DOK7: variants seen among roughly 807,000 people sequenced by gnomAD.
The protein encoded by DOK7 is docking protein 7.
In DOK7, 32 loss-of-function variants were observed where a neutral mutation model predicts 30.7. The ratio of observed to expected loss-of-function variants is 1.04; its 90% CI spans 0.79 to 1.40. DOK7 has a LOEUF of 1.40. DOK7 is among the 40% of genes most tolerant of loss of function. The pLI, the probability that DOK7 is intolerant of heterozygous loss-of-function variation, is 0.00. For synonymous variants in DOK7, 447 were observed against 324.1 expected (o/e 1.38, Z -4.07); for missense variants, 1,007 against 699.2 (o/e 1.44, Z -4.97).
chr4:3,476,209 TG>T lies in DOK7; in HGVS notation c.332-132del. The T allele has an allele frequency of 8.6e-6, 3 of 347,822 alleles. 1 individual carries two copies. Among genetic ancestry groups the T allele is most frequent in the Non-Finnish European group, 1.4e-5 (3 of 208,618 alleles). The allele number at this position is 347,822 out of a possible 1,614,324, so 21.5% of individuals were successfully genotyped here. A position where few individuals can be genotyped will look rare whatever the true frequency, so the allele number is the denominator to read the frequency against. ...GATGCCCTCTCACCTCACCCGCCCATGATGCCCTCTCGCCCCGCCTGCCCGT... is the reference window on the plus strand; with the variant it reads ...GATGCCCTCTCACCTCACCCGCCCATATGCCCTCTCGCCCCGCCTGCCCGT... On this transcript the variant is annotated intron_variant, in intron 3 of 6. Coordinates refer to ENST00000340083, the MANE Select transcript of DOK7 (RefSeq NM_173660.5).
Position 3,493,199 on chromosome 4 carries a change from T to G in DOK7, c.1213T>G (p.Tyr405Asp). The G allele has an allele frequency of 6.2e-7, 1 of 1,611,550 alleles. No individual in the cohort carries two copies. The highest frequency in any genetic ancestry group is 1.1e-5 in the South Asian group (1 of 90,904). The stretch of plus-strand genomic sequence containing the variant: ...GGTGCCCACCTCCCTGCGGGCCCAC[T>G]ATGACACACCACGCAGCCTTTGCCT... Reference protein sequence around the residue: ...YQVPTSLRAHYDTPRSLCLAP... With the variant: ...YQVPTSLRAHDDTPRSLCLAP... Residue 405 changes from tyrosine (Y) to aspartate (D), a missense_variant, in exon 7 of 7, where the codon TAT (tyrosine) becomes GAT (aspartate). Physicochemically the swap from Tyr to Asp is radical, Grantham distance 160. Coordinates refer to ENST00000340083, the MANE Select transcript of DOK7 (RefSeq NM_173660.5).
At chr4:3,486,611 C>T (rs762393284) in intron 5 of DOK7, among the ~76,000 whole-genome samples, 1 of 152,202 alleles carries the variant, frequency 6.6e-6, no homozygotes, top group Non-Finnish European at 1.5e-5. Flanking sequence ...GGGGAGGTGG[C>T]ACCTATGGCC....
At chr4:3,487,418 C>T (rs910300762) in intron 5 of DOK7, among the ~76,000 whole-genome samples, 10 of 152,228 alleles carry the variant, frequency 6.6e-5, no homozygotes, top group African/African-American at 2.4e-4. Flanking sequence ...AAGCTCTGGG[C>T]TTTCTGCCGT....
rs1025407859 is a variant in DOK7 at position 3,494,155 on chromosome 4, G to C, written c.*654G>C. 8.1e-6 allele frequency: 8 copies of C among 985,620 alleles called. No individual in the cohort carries two copies. Among genetic ancestry groups the C allele is most frequent in the East Asian group, 1.1e-4 (1 of 8,814 alleles). The allele number at this position is 985,620 out of a possible 1,614,324, so 61.1% of individuals were successfully genotyped here. A position where few individuals can be genotyped will look rare whatever the true frequency, so the allele number is the denominator to read the frequency against. Reference sequence around the variant, plus strand: ...GGGAGCAGGTGGTGTCCTCAGAGCAGCCTCGCCTGCTGACCCCACTGGGAG... The same window carrying C: ...GGGAGCAGGTGGTGTCCTCAGAGCACCCTCGCCTGCTGACCCCACTGGGAG... On this transcript the variant is annotated 3_prime_UTR_variant, in exon 7 of 7. Transcript: ENST00000340083.
At chr4:3,484,687 G>A (rs1020997790) in intron 4 of DOK7, 3 of 985,592 alleles carry the variant, frequency 3.0e-6, no homozygotes, top group Non-Finnish European at 3.6e-6. Flanking sequence ...TCCTGCTGCT[G>A]TGGGGGTGCA....
chr4:3,485,127 TC>T (rs941384707), intron 4 of DOK7, among the ~76,000 whole-genome samples: 1 of 151,826 alleles, frequency 6.6e-6, no homozygotes, highest in African/African-American at 2.4e-5. Flanking sequence ...AGCAGCCACA[TC>T]CCCCCATCCC....
At chr4:3,491,764 C>T (rs1728478141) in intron 6 of DOK7, among the ~76,000 whole-genome samples, 1 of 152,246 alleles carries the variant, frequency 6.6e-6, no homozygotes, top group African/African-American at 2.4e-5. Flanking sequence ...GGAGCAGAGG[C>T]ACCTCCTCAG....
intron 6 of DOK7, among the ~76,000 whole-genome samples, chr4:3,490,063 TC>T (rs1165511983): frequency 2.0e-4 from 13 of 64,520 alleles, no homozygotes; most frequent in African/African-American, 6.1e-4. Flanking sequence ...AATTCCTTCC[TC>T]CCCCCATTCC....
At chr4:3,482,133 A>T (rs921150941) in intron 4 of DOK7, among the ~76,000 whole-genome samples, 1 of 152,106 alleles carries the variant, frequency 6.6e-6, no homozygotes, top group Non-Finnish European at 1.5e-5. Flanking sequence ...GTGCTCAAAG[A>T]TGTCTGACGT....
At chr4:3,496,553 G>A (rs1728923450), downstream of DOK7, among the ~76,000 whole-genome samples, 2 of 152,232 alleles carry the variant, frequency 1.3e-5, no homozygotes, top group South Asian at 4.1e-4. Context: ...CAGATGCCGA[G>A]GCCTCCAGCT....
intron 2 of DOK7, among the ~76,000 whole-genome samples, chr4:3,471,458 C>T (rs1021478831): frequency 2.0e-5 from 3 of 152,228 alleles, no homozygotes; most frequent in African/African-American, 7.2e-5. Flanking sequence ...GGGTGTGGCT[C>T]AGCTTTTTAG....
intron 7 of DOK7, chr4:3,500,442 G>T: frequency 4.6e-6 from 7 of 1,531,104 alleles, no homozygotes; most frequent in Non-Finnish European, 5.2e-6. Context: ...GACAATTGGG[G>T]GCTGGGACCA....
rs1475897707 is a variant in DOK7 at position 3,489,996 on chromosome 4, CTCATTCCTTCCTTCTCCTCCTGCTCAT to C, written c.772+216_772+242del. On this transcript the variant is annotated intron_variant, in intron 6 of 6. Transcript: ENST00000340083. ...TCATCCTTCCTTCCCCACCACCCTG[CTCATTCCTTCCTTCTCCTCCTGCTCAT>C]TCATTCCTTCCTTCTTCCTCCTACT... is the stretch of plus-strand genomic sequence containing the variant. 3.4e-3 allele frequency among the ~76,000 whole-genome samples: 490 copies of C among 142,460 alleles called. 1 individual carries two copies. The highest frequency in any genetic ancestry group is 0.022 in the Middle Eastern group (6 of 274). 93.5% of individuals were successfully genotyped at this position (142,460 alleles called of 152,430 possible). A position where few individuals can be genotyped will look rare whatever the true frequency, so the allele number is the denominator to read the frequency against.
chr4:3,499,269 G>T (rs937987686), downstream of DOK7, among the ~76,000 whole-genome samples: 2 of 152,194 alleles, frequency 1.3e-5, no homozygotes, highest in Admixed American at 1.3e-4. Flanking sequence ...CTGAGGGCTC[G>T]GAGTGTGCTG....
intron 2 of DOK7, among the ~76,000 whole-genome samples, chr4:3,467,266 C>A (rs916814103): frequency 1.3e-5 from 2 of 151,362 alleles, no homozygotes; most frequent in Admixed American, 6.6e-5. Flanking sequence ...ATCTTCCCTG[C>A]GGCTTCTCCC....
chr4:3,487,038 C>T (rs570479636), intron 5 of DOK7, among the ~76,000 whole-genome samples: 2 of 152,226 alleles, frequency 1.3e-5, no homozygotes, highest in East Asian at 3.9e-4. Context: ...GTGGGCCAGC[C>T]CCAGGCGGGG....
At position 3,493,510 on chromosome 4, in the gene DOK7, G is replaced by A. The variant is rs751841491; in HGVS notation, c.*9G>A. 1.2e-6 allele frequency: 2 copies of A among 1,610,272 alleles called. No individual in the cohort carries two copies. The highest frequency in any genetic ancestry group is 1.1e-5 in the South Asian group (1 of 90,642). ...TAAACCCCCCTCCTTGAGAGCCGCA[G>A]ATCCCGCCCCGCGGCTGCAAAGGGG... On this transcript the variant is annotated 3_prime_UTR_variant, in exon 7 of 7. Transcript: ENST00000340083.
chr4:3,497,236 G>T (rs1728957989), downstream of DOK7, among the ~76,000 whole-genome samples: 1 of 152,112 alleles, frequency 6.6e-6, no homozygotes, highest in Non-Finnish European at 1.5e-5. Flanking sequence ...CTGGGAGGGG[G>T]CATGGCAGGA....
rs963370206 is a variant in DOK7 at position 3,494,332 on chromosome 4, G to T, written c.*831G>T. ...GGCTGTGTTGGGCCCATTGTCCCCCGCCCTGGGTGGCTTCCTCTTGCACAG... is the reference window on the plus strand; with the variant it reads ...GGCTGTGTTGGGCCCATTGTCCCCCTCCCTGGGTGGCTTCCTCTTGCACAG... On this transcript the variant is annotated 3_prime_UTR_variant, in exon 7 of 7. Coordinates refer to ENST00000340083, the MANE Select transcript of DOK7 (RefSeq NM_173660.5). 1.0e-6 allele frequency: 1 copy of T among 985,638 alleles called. No homozygotes were observed. The highest frequency in any genetic ancestry group is 1.2e-6 in the Non-Finnish European group (1 of 830,192). 61.1% of individuals were successfully genotyped at this position (985,638 alleles called of 1,614,324 possible). A position where few individuals can be genotyped will look rare whatever the true frequency, so the allele number is the denominator to read the frequency against.
Sources: allele counts gnomAD v4.1 joint callset (sites outside exome capture counted in the v4.1 genomes callset), GRCh38; gene constraint gnomAD v4.1.1; transcripts MANE v1.5; gene names NCBI Gene and HGNC (gene_info 2026-07-23, HGNC 2026-07-21).